Variants in INTS6 observed in about 807,000 individuals in gnomAD.
INTS6 encodes DEAD box protein.
INTS6 carries 16 observed loss-of-function variants against 104.9 expected under a neutral mutation model. The ratio of observed to expected loss-of-function variants is 0.15; its 90% CI spans 0.10 to 0.23. INTS6 has a LOEUF of 0.23. Among genes scored for constraint, INTS6 ranks in the 10% least tolerant of loss-of-function variants. The pLI, the probability that INTS6 is intolerant of heterozygous loss-of-function variation, is 1.00. For synonymous variants in INTS6, 324 were observed against 358.7 expected (o/e 0.90, Z 1.09); for missense variants, 584 against 1,062.8 (o/e 0.55, Z 6.26).
chr13:51,452,174 AC>A lies in INTS6; in HGVS notation c.112-120del. On this transcript the variant is annotated intron_variant, in intron 1 of 17. Coordinates refer to ENST00000311234, the MANE Select transcript of INTS6 (RefSeq NM_012141.3). The surrounding 1 kb of genome is among the most constrained non-coding windows in gnomAD (Gnocchi z 4.2). ...CCACAGTACCGCACACGCAGCGGCCACCCCTCCACGCCGTCCCCCACACACA... is the reference window on the plus strand; with the variant it reads ...CCACAGTACCGCACACGCAGCGGCCACCCTCCACGCCGTCCCCCACACACA... The A allele has an allele frequency of 1.1e-6, 1 of 935,370 alleles. No individual in the cohort carries two copies. The highest frequency in any genetic ancestry group is 1.6e-6 in the Non-Finnish European group (1 of 614,106). The allele number at this position is 935,370 out of a possible 1,614,324, so 57.9% of individuals were successfully genotyped here.
chr13:51,356,108 C>T (rs1002453244), intron 3 of INTS6, among the ~76,000 whole-genome samples: 1 of 152,126 alleles, frequency 6.6e-6, no homozygotes, highest in Non-Finnish European at 1.5e-5. Flanking sequence ...TCAAATAAAA[C>T]ACAGGAGTGA....
intron 3 of INTS6, chr13:51,447,860 A>C (rs1285599082): frequency 1.3e-5 from 2 of 152,072 alleles, no homozygotes; most frequent in Non-Finnish European, 2.9e-5. Context: ...GGAGTTCGAG[A>C]CCAGCCTGAC....
At chr13:51,392,939 TA>T (rs373083879) in intron 5 of INTS6, among the ~76,000 whole-genome samples, 131 of 152,110 alleles carry the variant, frequency 8.6e-4, no homozygotes, top group African/African-American at 2.8e-3. Flanking sequence ...ATTATGCAAT[TA>T]AAAAAATACA....
At chr13:51,421,093 T>G in intron 4 of INTS6, 1 of 972,798 alleles carries the variant, frequency 1.0e-6, no homozygotes, top group South Asian at 4.8e-5. Flanking sequence ...CAGAGAGAAC[T>G]ACACTCTACT....
At position 51,379,557 on chromosome 13, in the gene INTS6, C is replaced by T; in HGVS notation, c.1291G>A (p.Val431Ile). Residue 431 changes from valine (V) to isoleucine (I), a missense_variant, in exon 11 of 18, where the codon GTT (valine) becomes ATT (isoleucine). Transcript: ENST00000311234. ...PYYLGPLKKAVRMMGAPNLIA... is the reference protein window; with the variant it reads ...PYYLGPLKKAIRMMGAPNLIA... ...AGGTTAGGTGCTCCCATCATCCTAA[C>T]AGCTTTCTTCAAGGGCTATAGGAAA... 1 of 1,588,766 alleles carries T rather than the reference C, an allele frequency of 6.3e-7. No individual in the cohort carries two copies. The highest frequency in any genetic ancestry group is 8.6e-7 in the Non-Finnish European group (1 of 1,164,860).
Position 51,369,034 on chromosome 13 carries a change from T to A in INTS6, c.2381A>T (p.Asn794Ile). The change falls in exon 16 of 18, where the codon AAC becomes ATC. Residue 794 changes from asparagine to isoleucine, a missense_variant. Coordinates refer to ENST00000311234, the MANE Select transcript of INTS6 (RefSeq NM_012141.3). ...AEENIPASSL[N>I]KGKKLMHCRS... Reference sequence around the variant, plus strand: ...GCAATGCATCAATTTCTTTCCTTTGTTGAGTGAAGATGCTGGTATGTTCTC... The same window carrying A: ...GCAATGCATCAATTTCTTTCCTTTGATGAGTGAAGATGCTGGTATGTTCTC... The A allele has an allele frequency of 6.2e-7, 1 of 1,613,894 alleles. No individual in the cohort carries two copies. Among genetic ancestry groups the A allele is most frequent in the Non-Finnish European group, 8.5e-7 (1 of 1,179,846 alleles).
chr13:51,388,670 G>C (rs1956189010), intron 6 of INTS6, among the ~76,000 whole-genome samples: 1 of 152,162 alleles, frequency 6.6e-6, no homozygotes, highest in Non-Finnish European at 1.5e-5. Flanking sequence ...TAGGATTAGA[G>C]GTGTGAGCCA....
chr13:51,417,455 T>C (rs1956809343), intron 4 of INTS6, among the ~76,000 whole-genome samples: 1 of 26,136 alleles, frequency 3.8e-5, no homozygotes, highest in African/African-American at 5.1e-4. Context: ...GAAAATTCTT[T>C]TTTTTTTTTT....
chr13:51,384,553 A>G, intron 7 of INTS6: 3 of 449,602 alleles, frequency 6.7e-6, no homozygotes, highest in Middle Eastern at 3.3e-4. Flanking sequence ...GTATCTAACT[A>G]CCCACTAGAC....
chr13:51,446,177 G>C (rs2138162013), intron 3 of INTS6: 1 of 152,046 alleles, frequency 6.6e-6, no homozygotes, highest in South Asian at 2.1e-4. Flanking sequence ...ATCTGATAAG[G>C]GATTAATATC....
chr13:51,386,964 CTGTAT>C (rs1956150731), intron 7 of INTS6, among the ~76,000 whole-genome samples: 1 of 152,146 alleles, frequency 6.6e-6, no homozygotes, highest in Admixed American at 6.5e-5. Context: ...ATCTGCAACA[CTGTAT>C]ATAACTAAAA....
chr13:51,349,203 C>T (rs572697081), downstream of INTS6, among the ~76,000 whole-genome samples: 3 of 152,334 alleles, frequency 2.0e-5, no homozygotes, highest in African/African-American at 7.2e-5. Context: ...CCTCTCTCCA[C>T]TGCCTGGGCT....
downstream of INTS6, among the ~76,000 whole-genome samples, chr13:51,359,268 T>C (rs1040171737): frequency 2.0e-5 from 3 of 152,002 alleles, no homozygotes; most frequent in Admixed American, 6.6e-5. Context: ...CAATAAAAAA[T>C]AATAGGAATC....
intron 3 of INTS6, chr13:51,448,622 TCATATATGTG>T (rs1194098897): frequency 1.2e-4 from 19 of 152,302 alleles, no homozygotes; most frequent in Non-Finnish European, 1.5e-5. Flanking sequence ...TTATGAAAAA[TCATATATGTG>T]CATATATGTG....
intron 3 of INTS6, chr13:51,438,084 T>C (rs1952724982): frequency 6.6e-6 from 1 of 152,110 alleles, no homozygotes; most frequent in African/African-American, 2.4e-5. Context: ...AAAATGTGGA[T>C]TTTTTTGTTT....
At chr13:51,372,646 A>G (rs972129308) in intron 15 of INTS6, among the ~76,000 whole-genome samples, 1 of 152,124 alleles carries the variant, frequency 6.6e-6, no homozygotes, top group Non-Finnish European at 1.5e-5. Flanking sequence ...CTTCTAAACT[A>G]AACTCATTTA....
At chr13:51,359,443 T>C (rs1955528544), downstream of INTS6, among the ~76,000 whole-genome samples, 1 of 152,156 alleles carries the variant, frequency 6.6e-6, no homozygotes, top group Non-Finnish European at 1.5e-5. Context: ...CCTTGGTTTA[T>C]GGCTGTGCAA....
intron 5 of INTS6, among the ~76,000 whole-genome samples, chr13:51,391,778 T>C (rs1315514017): frequency 6.6e-6 from 1 of 152,244 alleles, no homozygotes; most frequent in Non-Finnish European, 1.5e-5. Flanking sequence ...AGTTGGTCAA[T>C]AGTCCTTACA....
downstream of INTS6, among the ~76,000 whole-genome samples, chr13:51,359,679 T>G (rs1955532555): frequency 6.6e-6 from 1 of 152,104 alleles, no homozygotes; most frequent in Non-Finnish European, 1.5e-5. Context: ...AATCTCTGCT[T>G]ATTTCACCAA....
Sources: gnomAD v4.1 joint callset for allele counts (sites outside exome capture counted in the v4.1 genomes callset) on GRCh38, gnomAD v4.1.1 for gene constraint, Gnocchi (gnomAD v3.1) non-coding constraint, MANE v1.5 for transcripts, NCBI Gene and HGNC (gene_info 2026-07-23, HGNC 2026-07-21) for gene names.